The following ST6GALNAC3 variants were observed in gnomAD, a reference collection of about 807,000 sequenced individuals.
ST6GALNAC3 encodes ST6 N-acetylgalactosaminide alpha-2,6-sialyltransferase 3, also known as alpha-N-acetylgalactosaminide alpha-2,6-sialyltransferase 3.
ST6GALNAC3 carries 25 observed loss-of-function variants against 32.7 expected under a neutral mutation model. The observed-to-expected ratio is 0.76, with a 90% CI of 0.56 to 1.07. The LOEUF (loss-of-function observed/expected upper bound fraction) is 1.07, where lower values mean the gene tolerates loss of function less well. Ranked by LOEUF, ST6GALNAC3 falls within the 50% of genes least tolerant of loss-of-function variation. The pLI is 0.00. For missense variants in ST6GALNAC3, 355 were observed against 382.4 expected (o/e 0.93, Z 0.60); for synonymous variants, 129 against 133.1 (o/e 0.97, Z 0.21).
At chr1:76,551,159 G>C (rs1664605347) in intron 3 of ST6GALNAC3, among the ~76,000 whole-genome samples, 1 of 152,142 alleles carries the variant, frequency 6.6e-6, no homozygotes, top group South Asian at 2.1e-4. Context: ...TGTGATATCT[G>C]ATAGGTCAGG....
intron 3 of ST6GALNAC3, among the ~76,000 whole-genome samples, chr1:76,579,152 A>G (rs1298675509): frequency 1.3e-5 from 2 of 152,038 alleles, no homozygotes; most frequent in Non-Finnish European, 2.9e-5. Context: ...TATGTCCACT[A>G]ATTTGTTTTC....
intron 3 of ST6GALNAC3, among the ~76,000 whole-genome samples, chr1:76,623,939 G>T (rs755259610): frequency 5.9e-5 from 9 of 151,928 alleles, no homozygotes. Context: ...TCATCCAGAA[G>T]TTGTCATTAT....
At chr1:76,372,411 C>T (rs142146500) in intron 2 of ST6GALNAC3, among the ~76,000 whole-genome samples, 13 of 152,136 alleles carry the variant, frequency 8.5e-5, no homozygotes, top group Admixed American at 7.9e-4. Flanking sequence ...TATTCACAAT[C>T]GCCAAAACAG....
intron 3 of ST6GALNAC3, among the ~76,000 whole-genome samples, chr1:76,501,160 C>G (rs964978631): frequency 6.6e-6 from 1 of 152,152 alleles, no homozygotes; most frequent in Admixed American, 6.6e-5. Context: ...TCTCCCTCCC[C>G]CTACAAGCTA....
chr1:76,570,525 C>G (rs1056735418), intron 3 of ST6GALNAC3, among the ~76,000 whole-genome samples: 5 of 152,052 alleles, frequency 3.3e-5, no homozygotes, highest in Non-Finnish European at 5.9e-5. Flanking sequence ...TCATAGGAAA[C>G]TACTTAAAAG....
At chr1:76,380,360 G>A (rs967034551) in intron 2 of ST6GALNAC3, among the ~76,000 whole-genome samples, 3 of 152,114 alleles carry the variant, frequency 2.0e-5, no homozygotes, top group South Asian at 2.1e-4. Flanking sequence ...TGACAGTGCC[G>A]GTGTGAGTGT....
At chr1:76,597,562 C>G (rs1464019343) in intron 3 of ST6GALNAC3, among the ~76,000 whole-genome samples, 1 of 152,114 alleles carries the variant, frequency 6.6e-6, no homozygotes, top group Non-Finnish European at 1.5e-5. Context: ...TGTTCTACTT[C>G]CCCACAAGTT....
At chr1:76,236,737 A>G (rs1023394076) in intron 1 of ST6GALNAC3, among the ~76,000 whole-genome samples, 2 of 152,164 alleles carry the variant, frequency 1.3e-5, no homozygotes, top group African/African-American at 4.8e-5. Context: ...TTAAAAATTC[A>G]TACCTCCTTA....
chr1:76,233,416 C>CA, intron 1 of ST6GALNAC3, among the ~76,000 whole-genome samples: 1 of 152,246 alleles, frequency 6.6e-6, no homozygotes, highest in East Asian at 1.9e-4. Context: ...CAAGTAAGCC[C>CA]AAAAACAAGG....
intron 1 of ST6GALNAC3, among the ~76,000 whole-genome samples, chr1:76,307,070 A>T (rs1001008732): frequency 4.6e-5 from 7 of 152,150 alleles, no homozygotes; most frequent in African/African-American, 1.7e-4. Context: ...CTGAAGACTG[A>T]TATTGAGTAC....
chr1:76,203,459 A>G (rs1018345908), intron 1 of ST6GALNAC3, among the ~76,000 whole-genome samples: 7 of 152,198 alleles, frequency 4.6e-5, no homozygotes, highest in Non-Finnish European at 1.0e-4. Context: ...GAAGATTTAG[A>G]ATCAGTGGTA....
chr1:76,230,498 T>G, intron 1 of ST6GALNAC3, among the ~76,000 whole-genome samples: 1 of 152,350 alleles, frequency 6.6e-6, no homozygotes, highest in East Asian at 1.9e-4. Context: ...GGCAATATAC[T>G]AGAGTCCAAG....
chr1:76,494,152 A>C (rs899411320), intron 3 of ST6GALNAC3, among the ~76,000 whole-genome samples: 3 of 151,904 alleles, frequency 2.0e-5, no homozygotes, highest in Non-Finnish European at 2.9e-5. Context: ...TGATACATTT[A>C]TTATCTATTG....
chr1:76,627,490 C>T lies in ST6GALNAC3; in HGVS notation c.662C>T (p.Thr221Ile). The T allele has an allele frequency of 5.0e-6, 8 of 1,612,718 alleles. No homozygotes were observed. The highest frequency in any genetic ancestry group is 6.8e-6 in the Non-Finnish European group (8 of 1,179,038). Residue 221 changes from threonine to isoleucine, a missense_variant, in exon 4 of 5, where the codon ACC becomes ATC. Thr to Ile is a moderately conservative substitution (Grantham distance 89). Transcript: ENST00000328299. ...TCATATCTCAGCACAGGGTGGTTTA[C>T]CTTCCTTCTGGCCATGGACGCCTGT... ...SGSYLSTGWF[T>I]FLLAMDACYG...
chr1:76,140,797 ATTTTTTTTTTTT>A (rs3042284), intron 1 of ST6GALNAC3, among the ~76,000 whole-genome samples: 6 of 120,416 alleles, frequency 5.0e-5, no homozygotes, highest in African/African-American at 1.9e-4. Flanking sequence ...TAATTTTCTA[ATTTTTTTTTTTT>A]TTTTTTTTTT....
intron 1 of ST6GALNAC3, among the ~76,000 whole-genome samples, chr1:76,215,586 T>G (rs1327598834): frequency 6.6e-6 from 1 of 152,226 alleles, no homozygotes; most frequent in Non-Finnish European, 1.5e-5. Context: ...TTACGTAGTC[T>G]ATTAAGTTAC....
intron 2 of ST6GALNAC3, among the ~76,000 whole-genome samples, chr1:76,321,117 G>A (rs970624316): frequency 1.3e-5 from 2 of 152,060 alleles, no homozygotes; most frequent in Non-Finnish European, 2.9e-5. Context: ...TCAGGCTAGT[G>A]ATTGGTCAAT....
intron 1 of ST6GALNAC3, among the ~76,000 whole-genome samples, chr1:76,308,081 C>T (rs1366105612): frequency 6.6e-6 from 1 of 152,092 alleles, no homozygotes; most frequent in African/African-American, 2.4e-5. Flanking sequence ...TAAAGCAATT[C>T]ATCAGATCTA....
At chr1:76,229,943 A>T (rs898702492) in intron 1 of ST6GALNAC3, among the ~76,000 whole-genome samples, 2 of 152,314 alleles carry the variant, frequency 1.3e-5, no homozygotes, top group African/African-American at 4.8e-5. Flanking sequence ...TTCTTTTTTT[A>T]AAATGTAAAA....
Sources: gnomAD v4.1 joint callset for allele counts (sites outside exome capture counted in the v4.1 genomes callset) on GRCh38, gnomAD v4.1.1 for gene constraint, MANE v1.5 for transcripts, NCBI Gene and HGNC (gene_info 2026-07-23, HGNC 2026-07-21) for gene names.